SLC38A11: variants seen among roughly 807,000 people sequenced by gnomAD.
SLC38A11 encodes solute carrier family 38 member 11.
In SLC38A11, 51 loss-of-function variants were observed where a neutral mutation model predicts 49.4. The observed-to-expected ratio is 1.03, with a 90% CI of 0.83 to 1.30. The LOEUF is 1.30. Ranked by LOEUF, SLC38A11 falls within the 50% of genes most tolerant of loss-of-function variation. The pLI, the probability that SLC38A11 is intolerant of heterozygous loss-of-function variation, is 0.00. For synonymous variants in SLC38A11, 203 were observed against 192.9 expected (o/e 1.05, Z -0.43); for missense variants, 574 against 556.2 (o/e 1.03, Z -0.32).
rs1685688991 is a variant in SLC38A11 at position 164,915,196 on chromosome 2, T to A, written c.766A>T (p.Ile256Phe). ...EPTVAKWSRL[I>F]HMSIVISVFI... ...ACAGAAATCACGATGGACATATGGATAAGGCGGGACCACTTAGCTACTGTG... is the reference window on the plus strand; with the variant it reads ...ACAGAAATCACGATGGACATATGGAAAAGGCGGGACCACTTAGCTACTGTG... Residue 256 changes from isoleucine to phenylalanine, a missense_variant, in exon 9 of 12, where the codon ATC (isoleucine) becomes TTC (phenylalanine). Physicochemically the swap from Ile to Phe is conservative, Grantham distance 21. Coordinates refer to ENST00000685975, the MANE Select transcript of SLC38A11 (RefSeq NM_001351537.2). 2 of 1,612,622 alleles carry A rather than the reference T, an allele frequency of 1.2e-6. No individual in the cohort carries two copies. The highest frequency in any genetic ancestry group is 1.7e-6 in the Non-Finnish European group (2 of 1,179,068).
At chr2:164,944,682 T>A in intron 4 of SLC38A11, 48 bp from the exon 5 acceptor site, 1 of 732,502 alleles carries the variant, frequency 1.4e-6, no homozygotes, top group Non-Finnish European at 2.0e-6. Context: ...ATCTCATATT[T>A]CATCCTAAAT....
intron 6 of SLC38A11, 125 bp downstream of exon 6, chr2:164,939,325 A>G: frequency 1.8e-6 from 1 of 558,732 alleles, no homozygotes. Flanking sequence ...TCACTCTAGC[A>G]TCACCATTAA....
At chr2:164,937,072 A>G (rs76915103) in intron 7 of SLC38A11, among the ~76,000 whole-genome samples, 2,161 of 152,224 alleles carry the variant, frequency 0.014, 50 homozygotes, top group African/African-American at 0.049. Context: ...TCAACTATTC[A>G]AAATTCATTT....
At chr2:164,927,485 A>G (rs1016692673) in intron 7 of SLC38A11, among the ~76,000 whole-genome samples, 4 of 152,204 alleles carry the variant, frequency 2.6e-5, no homozygotes, top group East Asian at 1.9e-4. Context: ...GGAGAAAATT[A>G]TCAAAGGAGG....
chr2:164,945,351 C>T (rs551907255), intron 4 of SLC38A11, among the ~76,000 whole-genome samples: 16 of 150,246 alleles, frequency 1.1e-4, no homozygotes, highest in Admixed American at 3.3e-4. Flanking sequence ...TTACCAAGTA[C>T]AGAAAGCCCA....
Position 164,908,654 on chromosome 2 carries a change from CTA to C in SLC38A11, c.1079_1080del (p.Ile360SerfsTer27), listed in dbSNP as rs1202104153. 2.5e-6 allele frequency: 4 copies of C among 1,594,694 alleles called. No individual in the cohort carries two copies. The highest frequency in any genetic ancestry group is 3.4e-6 in the Non-Finnish European group (4 of 1,169,456). On this transcript the variant is annotated frameshift_variant, in exon 11 of 12. Transcript: ENST00000685975. LOFTEE classifies it high-confidence loss of function. ...CACGTACTCACATTGAGTTCTAGAACTATCCCGAGGCAATCAATCAGCAATGA... is the reference window on the plus strand; with the variant it reads ...CACGTACTCACATTGAGTTCTAGAACTCCCGAGGCAATCAATCAGCAATGA... ...LVSLLIDCLG[I>X]VLELNGVLCA...
At chr2:164,908,563 ACATC>A in intron 11 of SLC38A11, 73 bp downstream of exon 11, 1 of 1,314,868 alleles carries the variant, frequency 7.6e-7, no homozygotes, top group Non-Finnish European at 1.0e-6. Context: ...TAAGGAAAAT[ACATC>A]TTATGTTAAA....
chr2:164,920,555 A>T (rs939382337), intron 7 of SLC38A11, among the ~76,000 whole-genome samples: 8 of 151,918 alleles, frequency 5.3e-5, no homozygotes, highest in Middle Eastern at 3.4e-3. Flanking sequence ...CGAGGAGAAG[A>T]CACTCTATGA....
chr2:164,925,025 C>T (rs9678485), intron 7 of SLC38A11, among the ~76,000 whole-genome samples: 11,823 of 152,212 alleles, frequency 0.078, 493 homozygotes, highest in Admixed American at 0.11. Context: ...GGATTACAGG[C>T]GTCAGCCACT....
At chr2:164,938,688 T>A (rs573720921) in intron 6 of SLC38A11, among the ~76,000 whole-genome samples, 12 of 152,284 alleles carry the variant, frequency 7.9e-5, no homozygotes, top group African/African-American at 2.9e-4. Context: ...CATAAATAGA[T>A]ACACAACATT....
chr2:164,914,893 T>C (rs568620847), intron 9 of SLC38A11, among the ~76,000 whole-genome samples: 4 of 151,926 alleles, frequency 2.6e-5, no homozygotes, highest in Admixed American at 6.6e-5. Context: ...AGTGACAGTG[T>C]GTGGAAGGAG....
At chr2:164,898,753 A>T in intron 11 of SLC38A11, 23 bp from the exon 12 acceptor site, 1 of 1,591,522 alleles carries the variant, frequency 6.3e-7, no homozygotes, top group Non-Finnish European at 8.6e-7. Flanking sequence ...AACAAGAAAC[A>T]AGATAATGTC....
rs555892389 is a variant in SLC38A11 at position 164,900,924 on chromosome 2, T to C, written c.1096-2194A>G. On this transcript the variant is annotated intron_variant, in intron 11 of 11. Coordinates refer to ENST00000685975, the MANE Select transcript of SLC38A11 (RefSeq NM_001351537.2). ...TATTCTATGTTCTCTTCTAGGAATT[T>C]TACAGTTTTGGGCCTTACATTTAGG... Among the ~76,000 whole-genome samples, 5 of 152,256 alleles carry C rather than the reference T, an allele frequency of 3.3e-5. No homozygotes were observed. In the South Asian group the frequency reaches 1.0e-3, roughly 32 times the overall value.
chr2:164,898,253 A>T lies in SLC38A11; in HGVS notation c.*184T>A. ...TAGAACAAAACCCTTATTTTGTTCCAGTTAAAGGTGAAATACATTCAATTT... is the reference window on the plus strand; with the variant it reads ...TAGAACAAAACCCTTATTTTGTTCCTGTTAAAGGTGAAATACATTCAATTT... On this transcript the variant is annotated 3_prime_UTR_variant, in exon 12 of 12. Transcript: ENST00000685975. 1 of 541,730 alleles carries T rather than the reference A, an allele frequency of 1.8e-6. No homozygotes were observed. The highest frequency in any genetic ancestry group is 3.3e-5 in the Admixed American group (1 of 29,968). 33.6% of individuals were successfully genotyped at this position (541,730 alleles called of 1,614,324 possible). A position where few individuals can be genotyped will look rare whatever the true frequency, so the allele number is the denominator to read the frequency against.
intron 7 of SLC38A11, chr2:164,922,315 C>A (rs1686259747): frequency 6.6e-6 from 1 of 152,174 alleles, no homozygotes; most frequent in Non-Finnish European, 1.5e-5. Flanking sequence ...TTTAGTCAGA[C>A]ACATCCGGGA....
At chr2:164,933,853 TGTTTGCAGTA>T (rs1480244600) in intron 7 of SLC38A11, among the ~76,000 whole-genome samples, 3 of 152,178 alleles carry the variant, frequency 2.0e-5, no homozygotes, top group Non-Finnish European at 4.4e-5. Context: ...GAACAGAAGT[TGTTTGCAGTA>T]GTATTCAAAC....
chr2:164,921,689 T>C (rs1686216394), intron 7 of SLC38A11, among the ~76,000 whole-genome samples: 1 of 152,100 alleles, frequency 6.6e-6, no homozygotes, highest in African/African-American at 2.4e-5. Context: ...AAAAGTAACA[T>C]TGAAAAGAAG....
intron 11 of SLC38A11, among the ~76,000 whole-genome samples, chr2:164,902,357 C>G (rs1268236425): frequency 6.6e-6 from 1 of 152,062 alleles, no homozygotes; most frequent in Non-Finnish European, 1.5e-5. Context: ...CTTATTATGA[C>G]ATTTCACAAA....
At chr2:164,931,795 T>C (rs2105487788) in intron 7 of SLC38A11, among the ~76,000 whole-genome samples, 1 of 152,238 alleles carries the variant, frequency 6.6e-6, no homozygotes, top group South Asian at 2.1e-4. Flanking sequence ...AAGACTTAAA[T>C]GTAAAACTCA....
Sources: gnomAD v4.1 joint callset for allele counts (sites outside exome capture counted in the v4.1 genomes callset) on GRCh38, gnomAD v4.1.1 for gene constraint, MANE v1.5 for transcripts, NCBI Gene and HGNC (gene_info 2026-07-23, HGNC 2026-07-21) for gene names.